CPSF4: variants seen among roughly 807,000 people sequenced by gnomAD.
CPSF4 encodes the protein cleavage and polyadenylation specific factor 4.
In CPSF4, 11 loss-of-function variants were observed where a neutral mutation model predicts 37.7. The observed-to-expected ratio is 0.29, with a 90% confidence interval of 0.18 to 0.48. The LOEUF (loss-of-function observed/expected upper bound fraction) is 0.48. Ranked by LOEUF, CPSF4 falls within the 20% of genes least tolerant of loss-of-function variation. CPSF4 has a pLI of 0.99. For synonymous variants in CPSF4, 132 were observed against 135.9 expected (o/e 0.97, Z 0.20); for missense variants, 144 against 359.5 (o/e 0.40, Z 4.85).
At chr7:99,456,013 A>T (rs1277752328) in intron 7 of CPSF4, among the ~76,000 whole-genome samples, 1 of 152,218 alleles carries the variant, frequency 6.6e-6, no homozygotes, top group Non-Finnish European at 1.5e-5. Context: ...GAGGTAAGTG[A>T]CTGGCCTGTG....
chr7:99,448,454 C>CAT lies in CPSF4; in HGVS notation c.307+182_307+183dup. On this transcript the variant is annotated intron_variant, in intron 3 of 7. Transcript: ENST00000292476. The surrounding 1 kb of genome is among the most constrained non-coding windows in gnomAD (Gnocchi z 4.4). ...GGGGACAGTGTGGCTATTTTCTGCT[C>CAT]ATCTCTTTTTTTTTTTTTTTTTTTT... is the stretch of plus-strand genomic sequence containing the variant. The CAT allele has an allele frequency of 2.1e-6, 1 of 473,628 alleles. No homozygotes were observed. Among genetic ancestry groups the CAT allele is most frequent in the Non-Finnish European group, 3.7e-6 (1 of 270,324 alleles). 29.3% of individuals were successfully genotyped at this position (473,628 alleles called of 1,614,324 possible). A position where few individuals can be genotyped will look rare whatever the true frequency, so the allele number is the denominator to read the frequency against.
chr7:99,442,077 C>T (rs947318320), intron 1 of CPSF4, among the ~76,000 whole-genome samples: 1 of 152,198 alleles, frequency 6.6e-6, no homozygotes, highest in Non-Finnish European at 1.5e-5. Context: ...CTAGCAAAAT[C>T]TGCTTGCTTC....
At chr7:99,450,251 G>T in intron 3 of CPSF4, 25 bp from the exon 4 acceptor site, 3 of 1,589,196 alleles carry the variant, frequency 1.9e-6, no homozygotes, top group Non-Finnish European at 2.6e-6. Flanking sequence ...CTTCCCAGTG[G>T]TCTCACGTCT....
chr7:99,452,525 T>C (rs906490855), intron 6 of CPSF4, 85 bp downstream of exon 6: 1 of 1,250,526 alleles, frequency 8.0e-7, no homozygotes, highest in Non-Finnish European at 1.2e-6. Flanking sequence ...GTGGTCTGCC[T>C]TAGACCCCGC....
intron 7 of CPSF4, among the ~76,000 whole-genome samples, chr7:99,456,153 G>C (rs958701855): frequency 6.6e-6 from 1 of 152,236 alleles, no homozygotes; most frequent in Non-Finnish European, 1.5e-5. Flanking sequence ...TTGTGGGCCT[G>C]AAAGAGCAGG....
In CPSF4 at chr7:99,456,520, C is replaced by A; in HGVS notation, c.*20C>A. On this transcript the variant is annotated 3_prime_UTR_variant, in exon 8 of 8. Transcript: ENST00000292476. ...CAGTGACAGCAGCTGGAGCCAGCTC[C>A]GAGCAGCCCGGGGGCCCCGCTGTTG... is the stretch of plus-strand genomic sequence containing the variant. 2 of 1,612,456 alleles carry A rather than the reference C, an allele frequency of 1.2e-6. No individual in the cohort carries two copies. The highest frequency in any genetic ancestry group is 1.7e-4 in the Middle Eastern group (1 of 6,060).
intron 5 of CPSF4, among the ~76,000 whole-genome samples, chr7:99,452,106 C>T (rs1203259825): frequency 2.0e-5 from 3 of 152,154 alleles, no homozygotes; most frequent in Non-Finnish European, 4.4e-5. Context: ...GGCCATGAGT[C>T]TCCCAGCTCG....
chr7:99,457,052 G>C lies in CPSF4; in HGVS notation c.*552G>C, dbSNP rs1282733872. On this transcript the variant is annotated 3_prime_UTR_variant, in exon 8 of 8. Coordinates refer to ENST00000292476, the MANE Select transcript of CPSF4 (RefSeq NM_006693.4). Reference sequence around the variant, plus strand: ...GGTCCCAGGTGGCAGCGGTTGAGGAGGGGTACAGGGCTCTCAAGCCTGAGG... The same window carrying C: ...GGTCCCAGGTGGCAGCGGTTGAGGACGGGTACAGGGCTCTCAAGCCTGAGG... 8.5e-6 allele frequency: 2 copies of C among 234,240 alleles called. No individual in the cohort carries two copies. Among genetic ancestry groups the C allele is most frequent in the East Asian group, 1.0e-4 (1 of 9,962 alleles). The allele number at this position is 234,240 out of a possible 1,614,324, so 14.5% of individuals were successfully genotyped here. A position where few individuals can be genotyped will look rare whatever the true frequency, so the allele number is the denominator to read the frequency against.
At chr7:99,450,960 A>T in intron 5 of CPSF4, 165 bp downstream of exon 5, 1 of 599,398 alleles carries the variant, frequency 1.7e-6, no homozygotes, top group Non-Finnish European at 3.0e-6. Flanking sequence ...ATGGCCACCA[A>T]TGCTTCCTGA....
chr7:99,448,508 C>G lies in CPSF4; in HGVS notation c.307+235C>G, dbSNP rs1393394989. 4.6e-6 allele frequency: 2 copies of G among 437,542 alleles called. No individual in the cohort carries two copies. Among genetic ancestry groups the G allele is most frequent in the Admixed American group, 4.2e-5 (1 of 23,534 alleles). 27.1% of individuals were successfully genotyped at this position (437,542 alleles called of 1,614,324 possible). On this transcript the variant is annotated intron_variant, in intron 3 of 7. Transcript: ENST00000292476. This position sits in a 1 kb window ranked among gnomAD's most constrained non-coding sequence, Gnocchi z 4.4. ...AGACATAGGGTCTCGCTATGTTTCA[C>G]ATACTGGTCTTGAACTCCTGGGCTC...
chr7:99,444,614 C>T (rs1207852215), intron 1 of CPSF4, among the ~76,000 whole-genome samples, 175 bp from the exon 2 acceptor site: 2 of 152,166 alleles, frequency 1.3e-5, no homozygotes, highest in Non-Finnish European at 2.9e-5. Flanking sequence ...GCGTGACTAA[C>T]TTAAGCAGCT....
chr7:99,444,993 C>T (rs2049052729), intron 2 of CPSF4, among the ~76,000 whole-genome samples, 154 bp downstream of exon 2: 2 of 152,234 alleles, frequency 1.3e-5, no homozygotes, highest in African/African-American at 4.8e-5. Flanking sequence ...GGCTAGGACC[C>T]TGATGGGGTG....
At chr7:99,440,655 C>CATATATATATATATATATAT (rs1228721219) in intron 1 of CPSF4, among the ~76,000 whole-genome samples, 10 of 90,594 alleles carry the variant, frequency 1.1e-4, no homozygotes, top group African/African-American at 7.7e-4. Flanking sequence ...CTGCACCTGG[C>CATATATATATATATATATAT]ATATATATAT....
intron 5 of CPSF4, 63 bp from the exon 6 acceptor site, chr7:99,452,300 GCTTCT>G: frequency 7.6e-7 from 1 of 1,316,178 alleles, no homozygotes; most frequent in Non-Finnish European, 1.1e-6. Context: ...GCATGGCCTG[GCTTCT>G]CTTCTCATCC....
chr7:99,445,062 G>A (rs1797367027), intron 2 of CPSF4, among the ~76,000 whole-genome samples: 1 of 152,172 alleles, frequency 6.6e-6, no homozygotes, highest in Non-Finnish European at 1.5e-5. Flanking sequence ...TTATCACTTC[G>A]CATTCCCCGT....
intron 3 of CPSF4, chr7:99,449,049 G>A (rs1797755994): frequency 6.6e-6 from 1 of 152,458 alleles, no homozygotes; most frequent in African/African-American, 2.4e-5. Flanking sequence ...TCCCCGCTCA[G>A]GTCTGCACTT....
rs997185152 is a variant in CPSF4 at position 99,457,243 on chromosome 7, G to C, written c.*743G>C. ...ACTGTCACTCAGACACCTGTGGCAT[G>C]TGGAGGAGACTGCCCTGTCCTGAGC... On this transcript the variant is annotated 3_prime_UTR_variant, in exon 8 of 8. Transcript: ENST00000292476. 6.5e-6 allele frequency: 1 copy of C among 154,948 alleles called. No individual in the cohort carries two copies. The highest frequency in any genetic ancestry group is 2.4e-5 in the African/African-American group (1 of 41,474). 9.6% of individuals were successfully genotyped at this position (154,948 alleles called of 1,614,324 possible).
chr7:99,446,022 A>G (rs1354369028), intron 2 of CPSF4, among the ~76,000 whole-genome samples: 1 of 152,148 alleles, frequency 6.6e-6, no homozygotes, highest in African/African-American at 2.4e-5. Flanking sequence ...TGAAAAAGAG[A>G]GCAGAGAATC....
intron 1 of CPSF4, among the ~76,000 whole-genome samples, chr7:99,440,675 T>TATATATATATATATATA (rs1491236759): frequency 5.2e-4 from 39 of 74,776 alleles, no homozygotes; most frequent in African/African-American, 8.5e-4. Context: ...TATATATATA[T>TATATATATATATATATA]TTTTTTTTTT....
Sources: gnomAD v4.1 joint callset for allele counts (sites outside exome capture counted in the v4.1 genomes callset) on GRCh38, gnomAD v4.1.1 for gene constraint, Gnocchi (gnomAD v3.1) non-coding constraint, MANE v1.5 for transcripts, NCBI Gene and HGNC (gene_info 2026-07-23, HGNC 2026-07-21) for gene names.